The following SSH1 variants were observed in gnomAD, a reference collection of about 807,000 sequenced individuals.
SSH1 encodes the protein slingshot protein phosphatase 1, also known as protein phosphatase Slingshot homolog 1.
In SSH1, 43 loss-of-function variants were observed where a neutral mutation model predicts 79.7. The observed-to-expected ratio is 0.54, with a 90% CI of 0.42 to 0.70. The LOEUF (loss-of-function observed/expected upper bound fraction) is 0.70, where lower values mean the gene tolerates loss of function less well. Among genes scored for constraint, SSH1 ranks in the 30% least tolerant of loss-of-function variants. The pLI, the probability that SSH1 is intolerant of heterozygous loss-of-function variation, is 0.00. For synonymous variants in SSH1, 599 were observed against 538.3 expected, an observed-to-expected ratio of 1.11 and a Z score of -1.56; for missense variants, 1,206 against 1,358.8, an observed-to-expected ratio of 0.89 and a Z score of 1.77.
intron 2 of SSH1, among the ~76,000 whole-genome samples, chr12:108,852,428 C>T (rs1206653640): frequency 6.6e-6 from 1 of 151,948 alleles, no homozygotes; most frequent in African/African-American, 2.4e-5. Context: ...GACAGGGTTT[C>T]ACCATGTTGG....
intron 13 of SSH1, among the ~76,000 whole-genome samples, chr12:108,796,316 T>C (rs1421938258): frequency 2.0e-5 from 3 of 152,226 alleles, no homozygotes; most frequent in Non-Finnish European, 4.4e-5. Flanking sequence ...ATGCTCTGTC[T>C]CTGGCAAAGC....
intron 1 of SSH1, among the ~76,000 whole-genome samples, chr12:108,855,618 A>G (rs1233919748): frequency 6.6e-6 from 1 of 152,186 alleles, no homozygotes; most frequent in Non-Finnish European, 1.5e-5. Flanking sequence ...CCTGAAGCCA[A>G]CCTCTCCCCT....
At chr12:108,816,564 T>G (rs774013547) in intron 5 of SSH1, among the ~76,000 whole-genome samples, 1 of 152,128 alleles carries the variant, frequency 6.6e-6, no homozygotes, top group Non-Finnish European at 1.5e-5. Context: ...GGACCTGCCA[T>G]GAAGTACTTG....
At chr12:108,843,830 C>T (rs1008579275) in intron 2 of SSH1, among the ~76,000 whole-genome samples, 1 of 152,158 alleles carries the variant, frequency 6.6e-6, no homozygotes, top group Non-Finnish European at 1.5e-5. Flanking sequence ...CCACTGAGCC[C>T]AGCCTCTTAA....
At chr12:108,800,593 C>A (rs1342475397) in intron 12 of SSH1, among the ~76,000 whole-genome samples, 187 bp downstream of exon 12, 1 of 150,112 alleles carries the variant, frequency 6.7e-6, no homozygotes, top group Non-Finnish European at 1.5e-5. Flanking sequence ...TGCTTGGAGT[C>A]CTGCGACTAA....
At chr12:108,817,277 G>C (rs1287461254) in intron 4 of SSH1, 118 bp from the exon 5 acceptor site, 1 of 1,487,446 alleles carries the variant, frequency 6.7e-7, no homozygotes, top group African/African-American at 1.4e-5. Flanking sequence ...AGTTAAAAAT[G>C]AAGAGAAAAT....
At chr12:108,848,484 A>G (rs796766034) in intron 2 of SSH1, among the ~76,000 whole-genome samples, 2 of 152,328 alleles carry the variant, frequency 1.3e-5, no homozygotes, top group Non-Finnish European at 2.9e-5. Context: ...CATTGGAAAC[A>G]AAGAGAAATC....
Position 108,787,818 on chromosome 12 carries a change from T to G in SSH1, c.*170A>C. 1.8e-4 allele frequency: 139 copies of G among 780,138 alleles called. No homozygotes were observed. Among genetic ancestry groups the G allele is most frequent in the Middle Eastern group, 1.1e-3 (3 of 2,660 alleles). 48.3% of individuals were successfully genotyped at this position (780,138 alleles called of 1,614,324 possible). On this transcript the variant is annotated 3_prime_UTR_variant, in exon 15 of 15. Coordinates refer to ENST00000326495, the MANE Select transcript of SSH1 (RefSeq NM_018984.4). ...TGACAGCTCCCCTTCTTGTGCTGCA[T>G]GTTGGTTAGTTTCTTCTCCTCCTCT... is the stretch of plus-strand genomic sequence containing the variant.
intron 12 of SSH1, 150 bp downstream of exon 12, chr12:108,800,630 C>G: frequency 1.1e-6 from 1 of 884,944 alleles, no homozygotes; most frequent in Non-Finnish European, 1.8e-6. Context: ...CACATCAAGT[C>G]CACTCCCACC....
At position 108,841,578 on chromosome 12, in the gene SSH1, C is replaced by T. The variant is rs917277364; in HGVS notation, c.110+11060G>A. 3.8e-4 allele frequency among the ~76,000 whole-genome samples: 56 copies of T among 148,432 alleles called. 1 individual carries two copies. The highest frequency in any genetic ancestry group is 3.7e-3 in the Admixed American group (55 of 14,966). ...ATCCCAGCACTTTGGGAGGCCGAGG[C>T]GAGTGGATCACCTGAGGTCAGGAGT... is the stretch of plus-strand genomic sequence containing the variant. On this transcript the variant is annotated intron_variant, in intron 2 of 14. Transcript: ENST00000326495.
chr12:108,819,157 C>T (rs1195848769), intron 3 of SSH1, among the ~76,000 whole-genome samples: 4 of 152,222 alleles, frequency 2.6e-5, no homozygotes, highest in African/African-American at 9.7e-5. Context: ...CAGCTGTATG[C>T]TGGTTGCCCA....
In SSH1 at chr12:108,786,069, C is replaced by T. The variant is rs2036264186; in HGVS notation, c.*1919G>A. 1 of 152,206 alleles carries T rather than the reference C, an allele frequency of 6.6e-6. No homozygotes were observed. Among genetic ancestry groups the T allele is most frequent in the African/African-American group, 2.4e-5 (1 of 41,450 alleles). The allele number at this position is 152,206 out of a possible 1,614,324, so 9.4% of individuals were successfully genotyped here. ...AGGATTTTTGCAAAAACTGTGCTCA[C>T]TAGGTAAAATATGAACTAGCCTTGT... On this transcript the variant is annotated 3_prime_UTR_variant, in exon 15 of 15. Coordinates refer to ENST00000326495, the MANE Select transcript of SSH1 (RefSeq NM_018984.4).
At chr12:108,826,697 G>C (rs1182975026) in intron 2 of SSH1, among the ~76,000 whole-genome samples, 1 of 152,122 alleles carries the variant, frequency 6.6e-6, no homozygotes, top group Non-Finnish European at 1.5e-5. Context: ...CCTGAATACT[G>C]TATCTGACGA....
intron 2 of SSH1, among the ~76,000 whole-genome samples, chr12:108,841,861 T>C (rs1378336040): frequency 7.0e-6 from 1 of 142,344 alleles, no homozygotes; most frequent in Non-Finnish European, 1.5e-5. Flanking sequence ...TATATATATA[T>C]AGCTAGGCAC....
chr12:108,778,406 A>G lies in SSH1; in HGVS notation c.*9582T>C. On this transcript the variant is annotated 3_prime_UTR_variant, in exon 15 of 15. Coordinates refer to ENST00000326495, the MANE Select transcript of SSH1 (RefSeq NM_018984.4). ...TTGGGGAGAAGATGGTGGGGTAGAA[A>G]TTGCATGAATTTGGAGTCAGGCACT... The G allele has an allele frequency of 6.6e-6, 1 of 152,160 alleles. No individual in the cohort carries two copies. The highest frequency in any genetic ancestry group is 1.9e-4 in the East Asian group (1 of 5,198). The allele number at this position is 152,160 out of a possible 1,614,324, so 9.4% of individuals were successfully genotyped here. A position where few individuals can be genotyped will look rare whatever the true frequency, so the allele number is the denominator to read the frequency against.
chr12:108,815,430 T>A (rs1413939876), intron 5 of SSH1, among the ~76,000 whole-genome samples: 1 of 152,210 alleles, frequency 6.6e-6, no homozygotes, highest in Non-Finnish European at 1.5e-5. Flanking sequence ...GGAGGCCGAT[T>A]TCCGTTCGGG....
chr12:108,789,258 G>T lies in SSH1; in HGVS notation c.1894-14C>A. 17 of 1,584,166 alleles carry T rather than the reference G, an allele frequency of 1.1e-5. No homozygotes were observed. Among genetic ancestry groups the T allele is most frequent in the Non-Finnish European group, 1.5e-5 (17 of 1,164,284 alleles). On this transcript the variant is annotated splice_polypyrimidine_tract_variant and intron_variant, in intron 14 of 14. Coordinates refer to ENST00000326495, the MANE Select transcript of SSH1 (RefSeq NM_018984.4). ...TATAGCATCATCCTGCAAGGAAGGG[G>T]ACAAGAGCATGGTGAGACGGTGCAG... is the stretch of plus-strand genomic sequence containing the variant.
At chr12:108,805,404 T>A (rs552425943) in intron 9 of SSH1, among the ~76,000 whole-genome samples, 1 of 152,356 alleles carries the variant, frequency 6.6e-6, no homozygotes, top group South Asian at 2.1e-4. Context: ...TAAAGTTTAT[T>A]ATTTCAAATA....
chr12:108,796,358 C>T (rs2036752041), intron 13 of SSH1, among the ~76,000 whole-genome samples: 1 of 152,198 alleles, frequency 6.6e-6, no homozygotes, highest in Admixed American at 6.5e-5. Context: ...CAGTAACTCC[C>T]CATTCCCTTC....
Sources: gnomAD v4.1 joint callset for allele counts (sites outside exome capture counted in the v4.1 genomes callset) on GRCh38, gnomAD v4.1.1 for gene constraint, MANE v1.5 for transcripts, NCBI Gene and HGNC (gene_info 2026-07-23, HGNC 2026-07-21) for gene names.